Variants in GRIK2 observed in about 807,000 individuals in gnomAD.
The protein encoded by GRIK2 is glutamate ionotropic receptor kainate type subunit 2, also known as glutamate receptor ionotropic, kainate 2.
GRIK2 carries 32 observed loss-of-function variants against 100.3 expected under a neutral mutation model. The observed-to-expected ratio is 0.32, with a 90% CI of 0.24 to 0.43. GRIK2 has a LOEUF of 0.43. Ranked by LOEUF, GRIK2 falls within the 20% of genes least tolerant of loss-of-function variation. GRIK2 has a pLI of 1.00. For synonymous variants in GRIK2, 417 were observed against 389.4 expected, an observed-to-expected ratio of 1.07 and a Z score of -0.83; for missense variants, 843 against 1,114.9, an observed-to-expected ratio of 0.76 and a Z score of 3.47.
chr6:101,907,992 A>G (rs12207601), intron 12 of GRIK2, among the ~76,000 whole-genome samples: 13,079 of 151,530 alleles, frequency 0.086, 788 homozygotes, highest in Middle Eastern at 0.2. Context: ...TTCTGTAAGA[A>G]TGAAGAGCAC....
At chr6:101,984,965 C>G (rs1233623052) in intron 14 of GRIK2, among the ~76,000 whole-genome samples, 1 of 151,666 alleles carries the variant, frequency 6.6e-6, no homozygotes, top group Non-Finnish European at 1.5e-5. Flanking sequence ...TCCTTCTTCA[C>G]ATCTTATCTT....
At chr6:101,775,123 C>G (rs1007588629) in intron 7 of GRIK2, among the ~76,000 whole-genome samples, 5 of 151,966 alleles carry the variant, frequency 3.3e-5, no homozygotes, top group African/African-American at 1.2e-4. Flanking sequence ...CATAAAGGGC[C>G]AATGGAAACT....
intron 4 of GRIK2, among the ~76,000 whole-genome samples, chr6:101,649,607 T>G (rs1781696035): frequency 6.6e-6 from 1 of 152,136 alleles, no homozygotes; most frequent in Non-Finnish European, 1.5e-5. Context: ...ACCTGTATTC[T>G]CATAAATTAG....
At chr6:101,625,803 T>C (rs1482205911) in intron 3 of GRIK2, among the ~76,000 whole-genome samples, 20 of 152,334 alleles carry the variant, frequency 1.3e-4, no homozygotes. Context: ...ACTTGTCTAA[T>C]GACTTTTCTG....
chr6:101,753,770 G>T (rs1776950426), intron 7 of GRIK2, among the ~76,000 whole-genome samples: 1 of 151,850 alleles, frequency 6.6e-6, no homozygotes, highest in Admixed American at 6.6e-5. Context: ...CATTGCTGGG[G>T]TTTTCTACTG....
intron 2 of GRIK2, among the ~76,000 whole-genome samples, chr6:101,499,280 T>A (rs373840659): frequency 1.0e-3 from 154 of 152,278 alleles, no homozygotes; most frequent in African/African-American, 3.6e-3. Context: ...GCATTGCTAT[T>A]TTCTTACGCT....
intron 12 of GRIK2, among the ~76,000 whole-genome samples, chr6:101,919,496 T>A (rs1431474189): frequency 6.6e-6 from 1 of 151,784 alleles, no homozygotes; most frequent in Non-Finnish European, 1.5e-5. Flanking sequence ...TTTGGTTCAA[T>A]TTTAAACATT....
intron 14 of GRIK2, among the ~76,000 whole-genome samples, chr6:102,032,665 G>C (rs191141562): frequency 6.6e-6 from 1 of 151,400 alleles, no homozygotes; most frequent in African/African-American, 2.4e-5. Context: ...GAGAGTTCTT[G>C]ATGTTGTAAA....
rs982133069 is a variant in GRIK2, at chr6:102,069,310, T to TAATAATA, written c.*801_*807dup. ...CCCATATCCCAAATAATAATAATAA[T>TAATAATA]AATAATAATAATAATAATAATAATA... On this transcript the variant is annotated 3_prime_UTR_variant, in exon 17 of 17. Transcript: ENST00000369134. 3 of 146,530 alleles carry TAATAATA rather than the reference T, an allele frequency of 2.0e-5. No homozygotes were observed. Among genetic ancestry groups the TAATAATA allele is most frequent in the Non-Finnish European group, 4.5e-5 (3 of 66,622 alleles). 9.1% of individuals were successfully genotyped at this position (146,530 alleles called of 1,614,324 possible).
intron 16 of GRIK2, among the ~76,000 whole-genome samples, chr6:102,059,860 T>C (rs1771660201): frequency 6.6e-6 from 1 of 150,586 alleles, no homozygotes. Context: ...TATTTGAAAA[T>C]GTATTTGCTT....
chr6:101,638,207 C>T (rs775548227), intron 4 of GRIK2, among the ~76,000 whole-genome samples: 26 of 149,320 alleles, frequency 1.7e-4, no homozygotes, highest in Non-Finnish European at 3.4e-4. Context: ...TTATTTACTC[C>T]ACAAGTAATT....
intron 2 of GRIK2, among the ~76,000 whole-genome samples, chr6:101,407,704 A>G (rs1775667274): frequency 6.6e-6 from 1 of 152,152 alleles, no homozygotes; most frequent in Non-Finnish European, 1.5e-5. Flanking sequence ...CAACAATATT[A>G]AAGTGAGCAC....
At chr6:101,856,581 A>G (rs1275620876) in intron 10 of GRIK2, among the ~76,000 whole-genome samples, 2 of 152,208 alleles carry the variant, frequency 1.3e-5, no homozygotes, top group Admixed American at 6.5e-5. Flanking sequence ...TAGGAACATA[A>G]ACATTTAACT....
intron 7 of GRIK2, among the ~76,000 whole-genome samples, chr6:101,733,337 G>A (rs1439301874): frequency 1.3e-5 from 2 of 152,058 alleles, no homozygotes; most frequent in Admixed American, 6.6e-5. Flanking sequence ...AACAGGTATA[G>A]GATAAACATC....
intron 2 of GRIK2, among the ~76,000 whole-genome samples, chr6:101,585,392 T>A (rs1003323999): frequency 3.9e-5 from 6 of 152,128 alleles, no homozygotes; most frequent in African/African-American, 1.2e-4. Context: ...CATATTCATG[T>A]CTTTATTCAA....
At chr6:101,757,367 A>T (rs1402703844) in intron 7 of GRIK2, among the ~76,000 whole-genome samples, 3 of 152,168 alleles carry the variant, frequency 2.0e-5, no homozygotes, top group African/African-American at 7.2e-5. Flanking sequence ...GTAAGGAAGA[A>T]AAATCATGAA....
chr6:101,547,450 C>A (rs974935735), intron 2 of GRIK2, among the ~76,000 whole-genome samples: 9 of 152,132 alleles, frequency 5.9e-5, no homozygotes, highest in Non-Finnish European at 1.0e-4. Context: ...GATATATCTC[C>A]TAATGCTATC....
intron 2 of GRIK2, among the ~76,000 whole-genome samples, chr6:101,576,286 A>AG (rs1349847093): frequency 6.6e-6 from 1 of 152,004 alleles, no homozygotes; most frequent in African/African-American, 2.4e-5. Flanking sequence ...ATTTCAAACC[A>AG]GGACTCTTGC....
chr6:102,041,824 A>G (rs1032935509), intron 15 of GRIK2, among the ~76,000 whole-genome samples: 5 of 151,608 alleles, frequency 3.3e-5, no homozygotes, highest in Non-Finnish European at 7.4e-5. Flanking sequence ...TTTTGAAGAA[A>G]TGTTCTCTAA....
Sources: allele counts gnomAD v4.1 joint callset (sites outside exome capture counted in the v4.1 genomes callset), GRCh38; gene constraint gnomAD v4.1.1; transcripts MANE v1.5; gene names NCBI Gene and HGNC (gene_info 2026-07-23, HGNC 2026-07-21).